The following SLC45A4 variants were observed in gnomAD, a reference collection of about 807,000 sequenced individuals.
The protein encoded by SLC45A4 is solute carrier family 45 member 4, also known as polyamine-transporter SLC45A4.
Under a neutral mutation model 63.7 loss-of-function variants are expected in SLC45A4, and 32 were observed. That is an observed-to-expected ratio of 0.50 (90% CI 0.38 to 0.67). The LOEUF is 0.67. Ranked by LOEUF, SLC45A4 falls within the 30% of genes least tolerant of loss-of-function variation. The pLI is 0.00. For missense variants in SLC45A4, 1,027 were observed against 1,157.7 expected (o/e 0.89, Z 1.64); for synonymous variants, 535 against 510.0 (o/e 1.05, Z -0.66).
At position 141,212,488 on chromosome 8, in the gene SLC45A4, T is replaced by C; in HGVS notation, c.2010A>G (p.Gln670=). The C allele has an allele frequency of 6.2e-7, 1 of 1,613,846 alleles. No individual in the cohort carries two copies. Among genetic ancestry groups the C allele is most frequent in the South Asian group, 1.1e-5 (1 of 91,072 alleles). Residue 670 remains glutamine (Q), a synonymous_variant, in exon 8 of 9, where the codon CAA becomes CAG. Transcript: ENST00000517878. Reference sequence around the variant, plus strand: ...CCACCAGGATCTGCGAGATGTACACTTGGCAGGACAGGATGGCACAATCTA... The same window carrying C: ...CCACCAGGATCTGCGAGATGTACACCTGGCAGGACAGGATGGCACAATCTA... ...FGIDCAILSC[Q]VYISQILVAS...
At chr8:141,236,115 CA>C (rs1364024145) in intron 2 of SLC45A4, among the ~76,000 whole-genome samples, 2 of 148,280 alleles carry the variant, frequency 1.3e-5, no homozygotes, top group African/African-American at 5.1e-5. Flanking sequence ...AAAACAAAAA[CA>C]AAAACAAACA....
chr8:141,256,774 C>T lies in SLC45A4; in HGVS notation c.-400-2145G>A, dbSNP rs370009488. The T allele has an allele frequency of 5.3e-6, 2 of 377,516 alleles. No individual in the cohort carries two copies. Among genetic ancestry groups the T allele is most frequent in the Non-Finnish European group, 1.1e-5 (2 of 184,398 alleles). The allele number at this position is 377,516 out of a possible 1,614,324, so 23.4% of individuals were successfully genotyped here. ...TTCTTTCAAGTTTTCCAAATGTCCT[C>T]TACCGTAGAAACATCTCAATTAAAA... is the stretch of plus-strand genomic sequence containing the variant. On this transcript the variant is annotated intron_variant, in intron 1 of 8. Coordinates refer to ENST00000517878, the MANE Select transcript of SLC45A4 (RefSeq NM_001286646.2). This position sits in a 1 kb window ranked among gnomAD's most constrained non-coding sequence, Gnocchi z 4.3.
chr8:141,283,804 C>T (rs1045090687), intron 1 of SLC45A4, among the ~76,000 whole-genome samples: 3 of 152,218 alleles, frequency 2.0e-5, no homozygotes, highest in African/African-American at 7.2e-5. Context: ...CTCCCTACTG[C>T]AGCAGGGCCC....
Position 141,260,916 on chromosome 8 carries a change from G to C in SLC45A4, c.-400-6287C>G, listed in dbSNP as rs542719287. ...CTGATACCAAAGCCTGGCAGAGACA[G>C]AACCAAAAAAGAGAATTTTAGACCA... On this transcript the variant is annotated intron_variant, in intron 1 of 8. Coordinates refer to ENST00000517878, the MANE Select transcript of SLC45A4 (RefSeq NM_001286646.2). Among the ~76,000 whole-genome samples the C allele has an allele frequency of 3.3e-5, 5 of 152,156 alleles. No individual in the cohort carries two copies. The East Asian group carries it at 5.8e-4, about 18-fold the overall frequency.
intron 2 of SLC45A4, 79 bp from the exon 3 acceptor site, chr8:141,221,844 G>A: frequency 2.7e-6 from 4 of 1,499,008 alleles, no homozygotes; most frequent in Non-Finnish European, 3.7e-6. Context: ...CCCCGCGACA[G>A]GCAGGTGCCT....
At chr8:141,228,100 C>T (rs1480619597) in intron 2 of SLC45A4, 20 of 1,578,872 alleles carry the variant, frequency 1.3e-5, no homozygotes, top group African/African-American at 2.7e-5. Flanking sequence ...GTTGGGTGCC[C>T]GAGAGGCTGT....
intron 2 of SLC45A4, among the ~76,000 whole-genome samples, chr8:141,244,418 C>T: frequency 6.6e-6 from 1 of 152,222 alleles, no homozygotes; most frequent in Non-Finnish European, 1.5e-5. Context: ...CAGCAAGTCA[C>T]TCGTTCAGTC....
At chr8:141,297,480 G>A (rs1404629691) in intron 1 of SLC45A4, among the ~76,000 whole-genome samples, 1 of 152,234 alleles carries the variant, frequency 6.6e-6, no homozygotes, top group Non-Finnish European at 1.5e-5. Flanking sequence ...TCATCACCAG[G>A]CAGAAACCAC....
intron 1 of SLC45A4, among the ~76,000 whole-genome samples, chr8:141,276,474 C>A (rs28681435): frequency 0.27 from 40,428 of 152,114 alleles, 5,754 homozygotes; most frequent in East Asian, 0.39. Flanking sequence ...ACTACAGAAG[C>A]CTTCCCCAAT....
chr8:141,212,117 C>T (rs540353168), intron 8 of SLC45A4, 80 bp downstream of exon 8: 19 of 1,435,934 alleles, frequency 1.3e-5, no homozygotes, highest in East Asian at 2.5e-5. Flanking sequence ...TCTCTGCTCC[C>T]GCCCATGGCC....
intron 2 of SLC45A4, among the ~76,000 whole-genome samples, chr8:141,244,458 G>C (rs894996542): frequency 3.9e-5 from 6 of 152,214 alleles, no homozygotes; most frequent in Admixed American, 3.3e-4. Flanking sequence ...ACTGGGCATG[G>C]GAACAAAGGT....
In SLC45A4 at chr8:141,209,584, G is replaced by C. The variant is rs1296409053; in HGVS notation, c.*1988C>G. 1 of 152,276 alleles carries C rather than the reference G, an allele frequency of 6.6e-6. No individual in the cohort carries two copies. The highest frequency in any genetic ancestry group is 1.5e-5 in the Non-Finnish European group (1 of 68,094). 9.4% of individuals were successfully genotyped at this position (152,276 alleles called of 1,614,324 possible). On this transcript the variant is annotated 3_prime_UTR_variant, in exon 9 of 9. Coordinates refer to ENST00000517878, the MANE Select transcript of SLC45A4 (RefSeq NM_001286646.2). ...CACACTGACCTGCACACTAAGAAGG[G>C]CTTTGCTTGCAAACACCTGAAGTGC...
chr8:141,282,327 C>G (rs977933636), intron 1 of SLC45A4, among the ~76,000 whole-genome samples: 5 of 152,226 alleles, frequency 3.3e-5, no homozygotes, highest in Admixed American at 1.3e-4. Flanking sequence ...GATGGAGTTT[C>G]CTCGAATTTC....
chr8:141,242,315 T>C (rs1224446168), intron 2 of SLC45A4, among the ~76,000 whole-genome samples: 20 of 152,226 alleles, frequency 1.3e-4, no homozygotes, highest in Admixed American at 1.3e-3. Context: ...AAATAAGTAC[T>C]GGAATCACCG....
rs373975040 is a variant in SLC45A4, at chr8:141,211,665, C to T, written c.2334G>A (p.Ser778=). Residue 778 remains serine (S), a synonymous_variant, in exon 9 of 9, where the codon TCG becomes TCA. Coordinates refer to ENST00000517878, the MANE Select transcript of SLC45A4 (RefSeq NM_001286646.2). ...TPAGIDVCQI[S]SHWLVPQLLE... ...ACAGCTGCGGCACCAGCCAATGTGA[C>T]GAGATCTGACAGACGTCAATACCTG... is the stretch of plus-strand genomic sequence containing the variant. The T allele has an allele frequency of 2.1e-5, 34 of 1,603,094 alleles. No individual in the cohort carries two copies. The Admixed American group carries it at 3.4e-4, about 16-fold the overall frequency.
intron 1 of SLC45A4, among the ~76,000 whole-genome samples, chr8:141,268,444 C>T (rs986890828): frequency 2.0e-5 from 3 of 152,164 alleles, no homozygotes; most frequent in Non-Finnish European, 4.4e-5. Context: ...ACGTGACCTC[C>T]GCACTGGGGT....
At chr8:141,285,238 A>C (rs1201899887) in intron 1 of SLC45A4, among the ~76,000 whole-genome samples, 1 of 152,006 alleles carries the variant, frequency 6.6e-6, no homozygotes, top group Admixed American at 6.5e-5. Flanking sequence ...TCCGCTGGGA[A>C]CCACAACGCG....
chr8:141,223,679 T>A (rs535488007), intron 2 of SLC45A4, among the ~76,000 whole-genome samples: 1 of 152,224 alleles, frequency 6.6e-6, no homozygotes, highest in South Asian at 2.1e-4. Context: ...CTTTTCAAAC[T>A]CCTTGGGGGC....
intron 1 of SLC45A4, among the ~76,000 whole-genome samples, chr8:141,277,483 T>C (rs1035172546): frequency 9.2e-5 from 14 of 152,230 alleles, no homozygotes; most frequent in African/African-American, 3.4e-4. Context: ...ATTTACTTTA[T>C]GTGAACTCCA....
Sources: allele counts gnomAD v4.1 joint callset (sites outside exome capture counted in the v4.1 genomes callset), GRCh38; gene constraint gnomAD v4.1.1; non-coding constraint Gnocchi (gnomAD v3.1); transcripts MANE v1.5; gene names NCBI Gene and HGNC (gene_info 2026-07-23, HGNC 2026-07-21).